The following RNLS variants were observed in gnomAD, a reference collection of about 807,000 sequenced individuals.
RNLS encodes renalase.
A neutral mutation model predicts 39.8 loss-of-function variants in RNLS; 39 were observed. The ratio of observed to expected loss-of-function variants is 0.98; its 90% CI spans 0.76 to 1.28. RNLS has a LOEUF of 1.28. Ranked by LOEUF, RNLS falls within the 50% of genes most tolerant of loss-of-function variation. The pLI is 0.00. For missense variants in RNLS, 410 were observed against 413.3 expected (o/e 0.99, Z 0.07); for synonymous variants, 147 against 150.7 (o/e 0.98, Z 0.18).
chr10:88,568,474 T>C (rs1483409899), intron 4 of RNLS, among the ~76,000 whole-genome samples: 1 of 152,092 alleles, frequency 6.6e-6, no homozygotes, highest in South Asian at 2.1e-4. Flanking sequence ...GTGAATTGTA[T>C]GGTATGTGAC....
At chr10:88,541,979 G>C (rs1848068743) in intron 4 of RNLS, among the ~76,000 whole-genome samples, 1 of 152,132 alleles carries the variant, frequency 6.6e-6, no homozygotes, top group South Asian at 2.1e-4. Context: ...ACATGATGAG[G>C]TATTTCTGGG....
chr10:88,458,001 T>C (rs916500270), intron 4 of RNLS, among the ~76,000 whole-genome samples: 9 of 152,212 alleles, frequency 5.9e-5, no homozygotes, highest in Non-Finnish European at 1.2e-4. Flanking sequence ...TTGAAAACAA[T>C]GCCCCATTTA....
chr10:88,300,376 C>A (rs983319548), intron 6 of RNLS, among the ~76,000 whole-genome samples: 1 of 152,220 alleles, frequency 6.6e-6, no homozygotes, highest in Non-Finnish European at 1.5e-5. Flanking sequence ...TACACGATGG[C>A]AAAGACCAAG....
At chr10:88,547,735 T>A (rs1267238220) in intron 4 of RNLS, among the ~76,000 whole-genome samples, 1 of 152,208 alleles carries the variant, frequency 6.6e-6, no homozygotes, top group South Asian at 2.1e-4. Flanking sequence ...TTAATAATAA[T>A]GTATTATGTA....
chr10:88,489,373 C>T (rs2134057325), intron 4 of RNLS, among the ~76,000 whole-genome samples: 1 of 152,280 alleles, frequency 6.6e-6, no homozygotes, highest in East Asian at 1.9e-4. Flanking sequence ...AGTACACTGG[C>T]TGATTACCTA....
At position 88,497,346 on chromosome 10, in the gene RNLS, T is replaced by C. The variant is rs75395376; in HGVS notation, c.526+75557A>G. Reference sequence around the variant, plus strand: ...AAAGAAGATGGCAACCACTAGAAAGTAGGCTTCAGATTACAGTAGCCCTCA... The same window carrying C: ...AAAGAAGATGGCAACCACTAGAAAGCAGGCTTCAGATTACAGTAGCCCTCA... On this transcript the variant is annotated intron_variant, in intron 4 of 6. Coordinates refer to ENST00000331772, the MANE Select transcript of RNLS (RefSeq NM_001031709.3). Among the ~76,000 whole-genome samples the C allele has an allele frequency of 1.4e-3, 217 of 152,124 alleles. 1 individual carries two copies. Among genetic ancestry groups the C allele is most frequent in the Middle Eastern group, 3.4e-3 (1 of 294 alleles).
At chr10:88,185,175 G>A in the RNLS span, among the ~76,000 whole-genome samples, 1 of 152,002 alleles carries the variant, frequency 6.6e-6, no homozygotes, top group Non-Finnish European at 1.5e-5. Context: ...GGACGAGAGT[G>A]GATCTGGAAG....
Position 88,275,126 on chromosome 10 carries a change from C to T in RNLS, c.877-94G>A, listed in dbSNP as rs72818071. On this transcript the variant is annotated intron_variant, in intron 6 of 6. Transcript: ENST00000371947. ...CACTAATAGTGGTTCTTTGCTTTCACGGAACATATATAGACCTGGAATGGG... is the reference window on the plus strand; with the variant it reads ...CACTAATAGTGGTTCTTTGCTTTCATGGAACATATATAGACCTGGAATGGG... 0.031 allele frequency: 30,654 copies of T among 973,534 alleles called. 668 individuals are homozygous for T. The highest frequency in any genetic ancestry group is 0.08 in the African/African-American group (4,958 of 62,216). The allele number at this position is 973,534 out of a possible 1,614,324, so 60.3% of individuals were successfully genotyped here.
the RNLS span, among the ~76,000 whole-genome samples, chr10:88,203,267 T>TATATATATATATATATATATAC: frequency 1.1e-4 from 1 of 9,326 alleles, no homozygotes; most frequent in African/African-American, 8.9e-4. Flanking sequence ...TGTGTGTGTA[T>TATATATATATATATATATATAC]GTATATATAT....
chr10:88,373,413 A>G (rs1407189746), intron 4 of RNLS, among the ~76,000 whole-genome samples: 1 of 152,138 alleles, frequency 6.6e-6, no homozygotes, highest in Non-Finnish European at 1.5e-5. Context: ...CTCTTCACAA[A>G]GCTTAGCTAA....
At chr10:88,381,340 C>T (rs970194555) in intron 4 of RNLS, among the ~76,000 whole-genome samples, 7 of 152,126 alleles carry the variant, frequency 4.6e-5, no homozygotes, top group East Asian at 1.9e-4. Context: ...CATCTACTCA[C>T]GTACAATTAT....
intron 4 of RNLS, among the ~76,000 whole-genome samples, chr10:88,453,995 T>C (rs1422234307): frequency 6.6e-6 from 1 of 152,218 alleles, no homozygotes; most frequent in Non-Finnish European, 1.5e-5. Context: ...GCAATATCAA[T>C]TTCACAGAGT....
chr10:88,429,241 A>G (rs1198146508), intron 4 of RNLS, among the ~76,000 whole-genome samples: 2 of 151,982 alleles, frequency 1.3e-5, no homozygotes, highest in African/African-American at 4.8e-5. Flanking sequence ...TAGTTTACTC[A>G]TATGTAAGAT....
intron 5 of RNLS, among the ~76,000 whole-genome samples, chr10:88,327,281 C>A (rs1167757388): frequency 2.0e-5 from 3 of 152,104 alleles, no homozygotes; most frequent in African/African-American, 7.2e-5. Flanking sequence ...GTGTCTCCAC[C>A]CAAATCTCAT....
At position 88,285,131 on chromosome 10, in the gene RNLS, C is replaced by A; in HGVS notation, c.*223G>T. On this transcript the variant is annotated 3_prime_UTR_variant, in exon 7 of 7. Coordinates refer to ENST00000331772, the MANE Select transcript of RNLS (RefSeq NM_001031709.3). ...CCAACAAGGAGTAGTCATAGCAATT[C>A]AGAAAAGTAGGGAAGGTGCAAGGTG... 1.2e-5 allele frequency: 12 copies of A among 1,023,042 alleles called. No individual in the cohort carries two copies. The highest frequency in any genetic ancestry group is 8.2e-6 in the Non-Finnish European group (7 of 852,088). 63.4% of individuals were successfully genotyped at this position (1,023,042 alleles called of 1,614,324 possible). A position where few individuals can be genotyped will look rare whatever the true frequency, so the allele number is the denominator to read the frequency against.
intron 4 of RNLS, among the ~76,000 whole-genome samples, chr10:88,467,193 T>A: frequency 6.6e-6 from 1 of 152,120 alleles, no homozygotes; most frequent in East Asian, 1.9e-4. Context: ...AGGTCCCTCT[T>A]ACCTTTGCTT....
At chr10:88,230,728 T>C in the RNLS span, among the ~76,000 whole-genome samples, 1 of 152,230 alleles carries the variant, frequency 6.6e-6, no homozygotes, top group Non-Finnish European at 1.5e-5. Flanking sequence ...ATTTGAGACA[T>C]CTTAGATAAT....
intron 4 of RNLS, among the ~76,000 whole-genome samples, chr10:88,549,503 C>T (rs951807985): frequency 1.3e-5 from 2 of 152,068 alleles, no homozygotes; most frequent in African/African-American, 4.8e-5. Context: ...GGGTTCAGGG[C>T]CCCAGTGAGC....
chr10:88,353,570 C>G (rs929494679), intron 5 of RNLS, among the ~76,000 whole-genome samples: 4 of 152,100 alleles, frequency 2.6e-5, no homozygotes, highest in Non-Finnish European at 4.4e-5. Context: ...ACTGTCGTCT[C>G]AGAGACAGTT....
Sources: allele counts gnomAD v4.1 joint callset (sites outside exome capture counted in the v4.1 genomes callset), GRCh38; gene constraint gnomAD v4.1.1; transcripts MANE v1.5; gene names NCBI Gene and HGNC (gene_info 2026-07-23, HGNC 2026-07-21).